Variants in GRK5 observed in about 807,000 individuals in gnomAD.
The protein encoded by GRK5 is g protein-coupled receptor kinase GRK5.
A neutral mutation model predicts 78.4 loss-of-function variants in GRK5; 40 were observed. The ratio of observed to expected loss-of-function variants is 0.51; its 90% CI spans 0.40 to 0.66. The LOEUF (loss-of-function observed/expected upper bound fraction) is 0.66. GRK5 is among the 30% of genes least tolerant of loss of function. GRK5 has a pLI of 0.00. For missense variants in GRK5, 598 were observed against 759.9 expected, an observed-to-expected ratio of 0.79 and a Z score of 2.50; for synonymous variants, 289 against 296.8, an observed-to-expected ratio of 0.97 and a Z score of 0.27.
intron 1 of GRK5, among the ~76,000 whole-genome samples, chr10:119,254,115 C>T (rs780904379): frequency 6.6e-6 from 1 of 152,178 alleles, no homozygotes; most frequent in Non-Finnish European, 1.5e-5. Flanking sequence ...CGGTGACTGT[C>T]CCCTAAAGTG....
rs879617099 is a variant in GRK5, at chr10:119,300,048, C to T, written c.53-26468C>T. The stretch of plus-strand genomic sequence containing the variant: ...AGCAGCCTTTTCTTCCTGGTGTACT[C>T]AGCTTCCCTGGCATCAAGCATTCCC... On this transcript the variant is annotated intron_variant, in intron 1 of 15. Transcript: ENST00000392870. Among the ~76,000 whole-genome samples the T allele has an allele frequency of 5.1e-4, 77 of 152,206 alleles. 1 individual carries two copies. The highest frequency in any genetic ancestry group is 3.3e-3 in the Admixed American group (51 of 15,288).
At chr10:119,235,577 A>G (rs1414914559) in intron 1 of GRK5, among the ~76,000 whole-genome samples, 2 of 152,186 alleles carry the variant, frequency 1.3e-5, no homozygotes, top group African/African-American at 4.8e-5. Flanking sequence ...CGGGTTGTTC[A>G]GACTCCATGA....
intron 1 of GRK5, among the ~76,000 whole-genome samples, chr10:119,260,888 G>T: frequency 6.6e-6 from 1 of 152,082 alleles, no homozygotes; most frequent in African/African-American, 2.4e-5. Flanking sequence ...AACCGCCATT[G>T]TCATCATGGC....
chr10:119,449,922 A>G (rs2133917410), intron 13 of GRK5, among the ~76,000 whole-genome samples: 1 of 152,300 alleles, frequency 6.6e-6, no homozygotes, highest in East Asian at 1.9e-4. Flanking sequence ...GGGAGCATGA[A>G]CAACACTCGC....
intron 6 of GRK5, among the ~76,000 whole-genome samples, chr10:119,429,770 G>A (rs1263928789): frequency 6.6e-6 from 1 of 152,078 alleles, no homozygotes; most frequent in Non-Finnish European, 1.5e-5. Flanking sequence ...GGGAACCAAT[G>A]GTAAAGATCC....
rs1036031186 is a variant in GRK5, at chr10:119,299,739, C to T, written c.53-26777C>T. 5.3e-5 allele frequency among the ~76,000 whole-genome samples: 8 copies of T among 152,098 alleles called. No individual in the cohort carries two copies. In the South Asian group the frequency reaches 1.0e-3, roughly 20 times the overall value. On this transcript the variant is annotated intron_variant, in intron 1 of 15. Coordinates refer to ENST00000392870, the MANE Select transcript of GRK5 (RefSeq NM_005308.3). ...CATATAGTGACTGAGCCTGGAGTAG[C>T]GTGCTGGGCTCTTGGCTCCCCCTGC...
chr10:119,299,956 T>TC (rs534897425), intron 1 of GRK5, among the ~76,000 whole-genome samples: 298 of 152,006 alleles, frequency 2.0e-3, no homozygotes, highest in African/African-American at 7.0e-3. Flanking sequence ...ATGCTAGCCC[T>TC]CCCCCTTCCC....
chr10:119,408,610 T>C (rs1185351349), intron 4 of GRK5, among the ~76,000 whole-genome samples: 1 of 152,220 alleles, frequency 6.6e-6, no homozygotes, highest in East Asian at 1.9e-4. Context: ...GGCCACATAT[T>C]GTGTGATTCC....
chr10:119,405,968 G>A lies in GRK5; in HGVS notation c.339+9196G>A, dbSNP rs548511134. On this transcript the variant is annotated intron_variant, in intron 4 of 15. Coordinates refer to ENST00000392870, the MANE Select transcript of GRK5 (RefSeq NM_005308.3). ...GATTTGTCATACATAAAGGTAACTG[G>A]AAAAATTAAGATTAAATCCAAGCTA... 2.0e-5 allele frequency among the ~76,000 whole-genome samples: 3 copies of A among 152,288 alleles called. No individual in the cohort carries two copies. The South Asian group carries it at 6.2e-4, about 32-fold the overall frequency.
At chr10:119,275,879 G>T (rs1564873251) in intron 1 of GRK5, among the ~76,000 whole-genome samples, 1 of 152,178 alleles carries the variant, frequency 6.6e-6, no homozygotes, top group Non-Finnish European at 1.5e-5. Context: ...AGGGAGGGCC[G>T]CAGGAGTTTG....
chr10:119,307,138 C>G (rs1850284733), intron 1 of GRK5, among the ~76,000 whole-genome samples: 1 of 152,002 alleles, frequency 6.6e-6, no homozygotes, highest in Non-Finnish European at 1.5e-5. Context: ...CTCATTGATG[C>G]CTATATCTAT....
At chr10:119,376,974 A>G (rs1251760554) in intron 2 of GRK5, among the ~76,000 whole-genome samples, 3 of 152,126 alleles carry the variant, frequency 2.0e-5, no homozygotes, top group Non-Finnish European at 2.9e-5. Flanking sequence ...GCAAGTGCGC[A>G]TGCGCGTGCG....
intron 1 of GRK5, among the ~76,000 whole-genome samples, chr10:119,289,790 G>T (rs775545395): frequency 6.6e-6 from 1 of 152,154 alleles, no homozygotes; most frequent in Non-Finnish European, 1.5e-5. Context: ...TGGTTCTTTG[G>T]TTTTTCAGTT....
intron 4 of GRK5, among the ~76,000 whole-genome samples, chr10:119,417,819 T>TG (rs1287290353): frequency 6.6e-6 from 1 of 152,040 alleles, no homozygotes; most frequent in Admixed American, 6.6e-5. Flanking sequence ...TCCGTTTCGG[T>TG]GGGGGGTCTG....
chr10:119,234,162 C>T (rs1384178611), intron 1 of GRK5, among the ~76,000 whole-genome samples: 1 of 152,202 alleles, frequency 6.6e-6, no homozygotes, highest in East Asian at 1.9e-4. Flanking sequence ...TCCTTACAGC[C>T]TCCCTCGGAG....
intron 4 of GRK5, among the ~76,000 whole-genome samples, chr10:119,413,957 C>T (rs899692812): frequency 5.3e-5 from 8 of 152,152 alleles, no homozygotes; most frequent in Admixed American, 1.3e-4. Context: ...GGTCAAGGGG[C>T]GGCCAGGGTA....
intron 8 of GRK5, among the ~76,000 whole-genome samples, chr10:119,434,421 A>G (rs978985316): frequency 1.3e-5 from 2 of 152,256 alleles, no homozygotes; most frequent in African/African-American, 4.8e-5. Context: ...TCCTAGATAC[A>G]ATGTGGGTAC....
chr10:119,217,140 G>C lies in GRK5; in HGVS notation c.52+9171G>C, dbSNP rs1238395670. Reference sequence around the variant, plus strand: ...CTTCTCGAGATGGTAGGGTTTTTAAGTGTAAATACCCATGAGGTTGTAATT... The same window carrying C: ...CTTCTCGAGATGGTAGGGTTTTTAACTGTAAATACCCATGAGGTTGTAATT... On this transcript the variant is annotated intron_variant, in intron 1 of 15. Coordinates refer to ENST00000392870, the MANE Select transcript of GRK5 (RefSeq NM_005308.3). The surrounding 1 kb of genome is among the most constrained non-coding windows in gnomAD (Gnocchi z 4.1). 1.3e-5 allele frequency among the ~76,000 whole-genome samples: 2 copies of C among 152,156 alleles called. No individual in the cohort carries two copies. Among genetic ancestry groups the C allele is most frequent in the African/African-American group, 4.8e-5 (2 of 41,428 alleles).
At chr10:119,328,181 C>A (rs1850711342) in intron 2 of GRK5, among the ~76,000 whole-genome samples, 1 of 152,184 alleles carries the variant, frequency 6.6e-6, no homozygotes, top group African/African-American at 2.4e-5. Flanking sequence ...CACCACGGTG[C>A]CGTGGATGCC....
Sources: allele counts gnomAD v4.1 joint callset (sites outside exome capture counted in the v4.1 genomes callset), GRCh38; gene constraint gnomAD v4.1.1; non-coding constraint Gnocchi (gnomAD v3.1); transcripts MANE v1.5; gene names NCBI Gene and HGNC (gene_info 2026-07-23, HGNC 2026-07-21).